The following ROBO2 variants were observed in gnomAD, a reference collection of about 807,000 sequenced individuals.
ROBO2 encodes the protein roundabout guidance receptor 2, also known as roundabout homolog 2.
Under a neutral mutation model 160.8 loss-of-function variants are expected in ROBO2, and 53 were observed. The observed-to-expected ratio is 0.33, with a 90% CI of 0.26 to 0.41. The LOEUF (loss-of-function observed/expected upper bound fraction) is 0.41. Ranked by LOEUF, ROBO2 falls within the 10% of genes least tolerant of loss-of-function variation. The pLI is 1.00. For missense variants in ROBO2, 1,577 were observed against 1,722.4 expected, an observed-to-expected ratio of 0.92 and a Z score of 1.49; for synonymous variants, 664 against 611.7, an observed-to-expected ratio of 1.09 and a Z score of -1.26.
At chr3:76,209,610 A>G (rs1245895953) in intron 2 of ROBO2, among the ~76,000 whole-genome samples, 1 of 152,104 alleles carries the variant, frequency 6.6e-6, no homozygotes, top group South Asian at 2.1e-4. Context: ...GGAATACTTC[A>G]TAGGAAGGTA....
intron 2 of ROBO2, among the ~76,000 whole-genome samples, chr3:77,168,406 C>G (rs1363192586): frequency 6.6e-6 from 1 of 152,144 alleles, no homozygotes; most frequent in Non-Finnish European, 1.5e-5. Flanking sequence ...TATTTGCCTA[C>G]TCATATTTGT....
intron 2 of ROBO2, among the ~76,000 whole-genome samples, chr3:76,227,111 G>C (rs1226548858): frequency 6.6e-6 from 1 of 152,216 alleles, no homozygotes; most frequent in Non-Finnish European, 1.5e-5. Flanking sequence ...GAATGGTTTA[G>C]AGACTTGATT....
At chr3:76,104,940 T>A (rs2069855821) in intron 2 of ROBO2, among the ~76,000 whole-genome samples, 1 of 152,198 alleles carries the variant, frequency 6.6e-6, no homozygotes. Flanking sequence ...CCAGGTTAAG[T>A]GCTGATAAGT....
At position 76,584,207 on chromosome 3, in the gene ROBO2, A is replaced by C. The variant is rs2085884436; in HGVS notation, c.110-513807A>C. Among the ~76,000 whole-genome samples the C allele has an allele frequency of 2.6e-5, 4 of 152,114 alleles. No homozygotes were observed. In the South Asian group the frequency reaches 8.3e-4, roughly 31 times the overall value. Reference sequence around the variant, plus strand: ...AGAGGATGCACTTTGTCAGCAGGAAATGGTACCAACGTAGAACTGCATATA... The same window carrying C: ...AGAGGATGCACTTTGTCAGCAGGAACTGGTACCAACGTAGAACTGCATATA... On this transcript the variant is annotated intron_variant, in intron 2 of 26. Coordinates refer to the ROBO2 transcript ENST00000487694.
intron 2 of ROBO2, among the ~76,000 whole-genome samples, chr3:77,108,233 TATATGTATACACATATGC>T (rs1238390681): frequency 6.7e-6 from 1 of 150,120 alleles, no homozygotes; most frequent in African/African-American, 2.5e-5. Flanking sequence ...CATATGCATA[TATATGTATACACATATGC>T]ATATATATGT....
chr3:76,335,027 T>A lies in ROBO2; in HGVS notation c.109+397425T>A, dbSNP rs569818576. Among the ~76,000 whole-genome samples, 4 of 151,850 alleles carry A rather than the reference T, an allele frequency of 2.6e-5. No individual in the cohort carries two copies. The South Asian group carries it at 8.3e-4, about 32-fold the overall frequency. ...CTATTTTTTTTCTGTGACTTTGCTTTAAAAAAAAATTTTTTTTGTTTTTGT... is the reference window on the plus strand; with the variant it reads ...CTATTTTTTTTCTGTGACTTTGCTTAAAAAAAAAATTTTTTTTGTTTTTGT... On this transcript the variant is annotated intron_variant, in intron 2 of 26. Transcript: ENST00000487694.
chr3:77,000,374 C>A (rs1339826229), intron 2 of ROBO2, among the ~76,000 whole-genome samples: 1 of 152,180 alleles, frequency 6.6e-6, no homozygotes, highest in Non-Finnish European at 1.5e-5. Flanking sequence ...TCCAGAGCTT[C>A]CCCTTTGCCA....
chr3:76,269,957 T>C (rs953943965), intron 2 of ROBO2, among the ~76,000 whole-genome samples: 1 of 151,994 alleles, frequency 6.6e-6, no homozygotes, highest in East Asian at 1.9e-4. Flanking sequence ...AGTTAAATGA[T>C]TAAAGATAGT....
chr3:75,995,776 AG>A (rs1427426707), intron 2 of ROBO2, among the ~76,000 whole-genome samples: 1 of 152,188 alleles, frequency 6.6e-6, no homozygotes, highest in African/African-American at 2.4e-5. Flanking sequence ...CCTCATGGGC[AG>A]AGTTGCCAAG....
At chr3:77,620,813 A>G (rs1157648534) in intron 22 of ROBO2, among the ~76,000 whole-genome samples, 1 of 152,218 alleles carries the variant, frequency 6.6e-6, no homozygotes, top group East Asian at 1.9e-4. Context: ...AAGAAAAGTA[A>G]TCTAATGTCT....
chr3:77,106,584 G>A (rs906639233), intron 2 of ROBO2, among the ~76,000 whole-genome samples: 2 of 152,016 alleles, frequency 1.3e-5, no homozygotes, highest in Admixed American at 6.6e-5. Context: ...TATATGATAA[G>A]GCCTTTACAG....
At chr3:76,259,195 GA>G (rs1706586610) in intron 2 of ROBO2, among the ~76,000 whole-genome samples, 1 of 151,814 alleles carries the variant, frequency 6.6e-6, no homozygotes, top group Non-Finnish European at 1.5e-5. Flanking sequence ...CTTATTTCAG[GA>G]AAAATAGGAG....
Position 76,349,009 on chromosome 3 carries a change from A to C in ROBO2, c.109+411407A>C, listed in dbSNP as rs192731658. Among the ~76,000 whole-genome samples, 18 of 152,214 alleles carry C rather than the reference A, an allele frequency of 1.2e-4. 1 individual carries two copies. The East Asian group carries it at 3.5e-3, about 29-fold the overall frequency. On this transcript the variant is annotated intron_variant, in intron 2 of 26. Transcript: ENST00000487694. ...ATTTTCTTCAATAAACCAGTTATAC[A>C]TGGCAACTTTAATCAAATTTCTAGT... is the stretch of plus-strand genomic sequence containing the variant.
intron 12 of ROBO2, among the ~76,000 whole-genome samples, chr3:77,566,979 T>A (rs979329894): frequency 2.6e-5 from 4 of 152,066 alleles, no homozygotes; most frequent in African/African-American, 9.6e-5. Context: ...ACTTGGATTA[T>A]CAGCATCAAA....
At chr3:76,433,620 C>T (rs528894546) in intron 2 of ROBO2, among the ~76,000 whole-genome samples, 2 of 152,210 alleles carry the variant, frequency 1.3e-5, no homozygotes, top group East Asian at 3.9e-4. Flanking sequence ...TGTATTTGTA[C>T]GTGGATGTGT....
At chr3:76,565,553 G>A (rs1362860738) in intron 2 of ROBO2, among the ~76,000 whole-genome samples, 2 of 151,992 alleles carry the variant, frequency 1.3e-5, no homozygotes, top group East Asian at 1.9e-4. Flanking sequence ...CTTCCTTCTG[G>A]TGGTCACAAA....
At chr3:76,675,558 G>A (rs1029049969) in intron 2 of ROBO2, among the ~76,000 whole-genome samples, 4 of 152,162 alleles carry the variant, frequency 2.6e-5, no homozygotes, top group African/African-American at 9.6e-5. Context: ...TTAACCCTAT[G>A]TTAGAATCCT....
In ROBO2 at chr3:76,219,026, G is replaced by C. The variant is rs572721435; in HGVS notation, c.109+281424G>C. Among the ~76,000 whole-genome samples, 90 of 152,224 alleles carry C rather than the reference G, an allele frequency of 5.9e-4. 2 individuals carry two copies. The highest frequency in any genetic ancestry group is 2.1e-3 in the African/African-American group (86 of 41,510). Reference sequence around the variant, plus strand: ...TAATGCCGCATATCTACAACTATCTGGTCTTTGACAAACTTGAGAAAAACA... The same window carrying C: ...TAATGCCGCATATCTACAACTATCTCGTCTTTGACAAACTTGAGAAAAACA... On this transcript the variant is annotated intron_variant, in intron 2 of 26. Coordinates refer to the ROBO2 transcript ENST00000487694.
intron 2 of ROBO2, among the ~76,000 whole-genome samples, chr3:76,404,616 A>C (rs1361727174): frequency 1.3e-5 from 2 of 150,796 alleles, no homozygotes; most frequent in Non-Finnish European, 3.0e-5. Flanking sequence ...ATAAAGCTAC[A>C]ATCTTAGGCA....
Sources: allele counts gnomAD v4.1 joint callset (sites outside exome capture counted in the v4.1 genomes callset), GRCh38; gene constraint gnomAD v4.1.1; transcripts MANE v1.5; gene names NCBI Gene and HGNC (gene_info 2026-07-23, HGNC 2026-07-21).